Variants in EFCAB6 observed in about 807,000 individuals in gnomAD.
EFCAB6 encodes EF-hand calcium binding domain 6.
In EFCAB6, 156 loss-of-function variants were observed where a neutral mutation model predicts 169.8. The observed-to-expected ratio is 0.92, with a 90% CI of 0.81 to 1.05. The LOEUF (loss-of-function observed/expected upper bound fraction) is 1.05. Among genes scored for constraint, EFCAB6 ranks in the 50% least tolerant of loss-of-function variants. The pLI is 0.00. For synonymous variants in EFCAB6, 698 were observed against 676.4 expected (o/e 1.03, Z -0.50); for missense variants, 1,800 against 1,829.1 (o/e 0.98, Z 0.29).
intron 6 of EFCAB6, among the ~76,000 whole-genome samples, chr22:43,745,528 C>T (rs1320238416): frequency 6.6e-6 from 1 of 152,230 alleles, no homozygotes; most frequent in Non-Finnish European, 1.5e-5. Flanking sequence ...CACCCGCCTG[C>T]CTGTAGACTG....
chr22:43,676,056 G>A (rs944493652), intron 13 of EFCAB6, among the ~76,000 whole-genome samples: 1 of 151,954 alleles, frequency 6.6e-6, no homozygotes, highest in African/African-American at 2.4e-5. Context: ...TTTTAATGAT[G>A]TGGGGTGAGG....
At chr22:43,803,925 T>C (rs2062821867) in intron 2 of EFCAB6, among the ~76,000 whole-genome samples, 1 of 152,164 alleles carries the variant, frequency 6.6e-6, no homozygotes, top group Non-Finnish European at 1.5e-5. Flanking sequence ...ATTGCCCAGA[T>C]TGGACTCAAA....
At chr22:43,725,134 CTTTTTTTT>C (rs33983375) in intron 8 of EFCAB6, among the ~76,000 whole-genome samples, 5 of 94,696 alleles carry the variant, frequency 5.3e-5, no homozygotes, top group Non-Finnish European at 8.1e-5. Flanking sequence ...GCCAAACTGG[CTTTTTTTT>C]TTTTTTTTTT....
chr22:43,580,387 G>C lies in EFCAB6; in HGVS notation c.3228+77C>G. ...AGGAGAATGAACAGAGGTGGGAGGG[G>C]TTTCAGGGTGGGGCTGAGAGGTGTT... On this transcript the variant is annotated intron_variant, in intron 25 of 31. Transcript: ENST00000262726. The C allele has an allele frequency of 4.7e-6, 7 of 1,504,152 alleles. No individual in the cohort carries two copies. The South Asian group carries it at 8.8e-5, about 19-fold the overall frequency. 93.2% of individuals were successfully genotyped at this position (1,504,152 alleles called of 1,614,324 possible). A position where few individuals can be genotyped will look rare whatever the true frequency, so the allele number is the denominator to read the frequency against.
At position 43,540,315 on chromosome 22, in the gene EFCAB6, TC is replaced by T. The variant is rs2047630751; in HGVS notation, c.3690del (p.Arg1231GlyfsTer2). 5.6e-6 allele frequency: 9 copies of T among 1,613,962 alleles called. No individual in the cohort carries two copies. Among genetic ancestry groups the T allele is most frequent in the Non-Finnish European group, 7.6e-6 (9 of 1,180,022 alleles). ...LWNEMPVNAK[G>X]RLKYPDFLSR... ...CTCAGGAAGTCCGGGTATTTCAGCC[TC>T]CCCTTGGCATTGACTGGCATCTCGT... On this transcript the variant is annotated frameshift_variant, in exon 28 of 32. Coordinates refer to ENST00000262726, the MANE Select transcript of EFCAB6 (RefSeq NM_022785.4). LOFTEE classifies it high-confidence loss of function.
chr22:43,807,439 C>G (rs1353137963), intron 2 of EFCAB6, among the ~76,000 whole-genome samples: 1 of 152,220 alleles, frequency 6.6e-6, no homozygotes, highest in Non-Finnish European at 1.5e-5. Context: ...ATCAAATACA[C>G]TTCTTAACCA....
At chr22:43,810,069 G>A (rs1228615805) in intron 1 of EFCAB6, among the ~76,000 whole-genome samples, 1 of 151,958 alleles carries the variant, frequency 6.6e-6, no homozygotes, top group African/African-American at 2.4e-5. Context: ...GATATGGGGG[G>A]GGTCTGACTT....
intron 15 of EFCAB6, among the ~76,000 whole-genome samples, chr22:43,671,732 T>A (rs2057502092): frequency 6.6e-6 from 1 of 152,194 alleles, no homozygotes; most frequent in Non-Finnish European, 1.5e-5. Flanking sequence ...TCCAGACCTC[T>A]GTTTCTTTGT....
intron 4 of EFCAB6, among the ~76,000 whole-genome samples, chr22:43,769,149 G>A (rs1005882105): frequency 6.6e-6 from 1 of 152,178 alleles, no homozygotes; most frequent in Non-Finnish European, 1.5e-5. Flanking sequence ...CCATACAATG[G>A]ACTATTACTC....
chr22:43,809,592 G>A (rs1006653217), intron 1 of EFCAB6, among the ~76,000 whole-genome samples: 10 of 151,962 alleles, frequency 6.6e-5, no homozygotes, highest in Non-Finnish European at 1.0e-4. Context: ...CTTTTGTTTT[G>A]TTTTTTTGTT....
Position 43,538,987 on chromosome 22 carries a change from C to T in EFCAB6, c.3879+1140G>A, listed in dbSNP as rs1046205021. Among the ~76,000 whole-genome samples, 7 of 152,290 alleles carry T rather than the reference C, an allele frequency of 4.6e-5. No homozygotes were observed. In the South Asian group the frequency reaches 1.5e-3, roughly 32 times the overall value. On this transcript the variant is annotated intron_variant, in intron 28 of 31. Transcript: ENST00000262726. ...CTTTTCAATTTCCAGAGGCTTCTCA[C>T]AATCCTTGGTTTGTGGCCCCCTCCT...
intron 3 of EFCAB6, among the ~76,000 whole-genome samples, chr22:43,781,097 T>C (rs1171903694): frequency 6.6e-6 from 1 of 152,186 alleles, no homozygotes; most frequent in African/African-American, 2.4e-5. Flanking sequence ...TGTCACATAT[T>C]ATGGCTCAGA....
At chr22:43,605,287 A>G (rs1305448850) in intron 22 of EFCAB6, among the ~76,000 whole-genome samples, 3 of 152,206 alleles carry the variant, frequency 2.0e-5, no homozygotes, top group Non-Finnish European at 4.4e-5. Flanking sequence ...TAAAGCAAAG[A>G]TGATAACGAT....
chr22:43,661,244 G>A (rs1352840497), intron 17 of EFCAB6, among the ~76,000 whole-genome samples: 2 of 152,042 alleles, frequency 1.3e-5, no homozygotes, highest in East Asian at 3.9e-4. Flanking sequence ...CAGGCCTGGT[G>A]GCATGGACCT....
chr22:43,671,924 G>A, intron 15 of EFCAB6, 49 bp downstream of exon 15: 1 of 1,598,006 alleles, frequency 6.3e-7, no homozygotes, highest in Non-Finnish European at 8.5e-7. Flanking sequence ...TTATGGAACA[G>A]GCCTGATGAA....
intron 27 of EFCAB6, among the ~76,000 whole-genome samples, chr22:43,542,495 G>T (rs371179177): frequency 1.3e-5 from 2 of 152,170 alleles, no homozygotes; most frequent in Non-Finnish European, 2.9e-5. Context: ...CGAGAGAATC[G>T]CTTGAACCTG....
intron 10 of EFCAB6, among the ~76,000 whole-genome samples, chr22:43,693,598 A>T (rs954035374): frequency 6.6e-6 from 1 of 150,676 alleles, no homozygotes; most frequent in Non-Finnish European, 1.5e-5. Context: ...AATCAATTAC[A>T]GACTTTAATA....
intron 3 of EFCAB6, among the ~76,000 whole-genome samples, chr22:43,778,214 G>A (rs1003716184): frequency 6.6e-6 from 1 of 152,210 alleles, no homozygotes; most frequent in Admixed American, 6.5e-5. Flanking sequence ...GCCACATGAG[G>A]CTGACAGATG....
chr22:43,584,222 G>A (rs2050910207), intron 24 of EFCAB6, among the ~76,000 whole-genome samples: 1 of 152,138 alleles, frequency 6.6e-6, no homozygotes, highest in South Asian at 2.1e-4. Flanking sequence ...GGGAGGAGGA[G>A]AAGAAGTGAG....
Sources: allele counts gnomAD v4.1 joint callset (sites outside exome capture counted in the v4.1 genomes callset), GRCh38; gene constraint gnomAD v4.1.1; transcripts MANE v1.5; gene names NCBI Gene and HGNC (gene_info 2026-07-23, HGNC 2026-07-21).